MUC5AC: variants seen among roughly 807,000 people sequenced by gnomAD.
The protein encoded by MUC5AC is mucin-5AC.
MUC5AC carries 158 observed loss-of-function variants against 169.7 expected under a neutral mutation model. That is an observed-to-expected ratio of 0.93 (90% CI 0.82 to 1.06). The LOEUF (loss-of-function observed/expected upper bound fraction) is 1.06, where lower values mean the gene tolerates loss of function less well. Ranked by LOEUF, MUC5AC falls within the 50% of genes least tolerant of loss-of-function variation. The probability of loss-of-function intolerance (pLI) is 0.00; values close to 1 mark genes in which losing one functional copy is unlikely to be tolerated. For missense variants in MUC5AC, 4,359 were observed against 3,089.9 expected (o/e 1.41, Z -9.74); for synonymous variants, 1,975 against 1,237.0 (o/e 1.60, Z -12.52).
At chr11:1,173,025 C>G (rs988885981) in intron 16 of MUC5AC, among the ~76,000 whole-genome samples, 6,061 of 151,488 alleles carry the variant, frequency 0.04, 210 homozygotes, top group Admixed American at 0.12. Flanking sequence ...CGCCCCCCCA[C>G]TCACCCATTC....
At chr11:1,165,442 G>GCCCCCT in intron 10 of MUC5AC, 23 bp downstream of exon 10, 1 of 1,455,678 alleles carries the variant, frequency 6.9e-7, no homozygotes, top group Non-Finnish European at 9.0e-7. Context: ...CCCCCTCCAG[G>GCCCCCT]CCACCAAGGA....
At position 1,194,558 on chromosome 11, in the gene MUC5AC, C is replaced by G; in HGVS notation, c.15078C>G (p.Val5026=). 1.3e-6 allele frequency: 1 copy of G among 764,322 alleles called. No individual in the cohort carries two copies. The highest frequency in any genetic ancestry group is 2.4e-6 in the Non-Finnish European group (1 of 417,500). The allele number at this position is 764,322 out of a possible 1,614,324, so 47.3% of individuals were successfully genotyped here. A position where few individuals can be genotyped will look rare whatever the true frequency, so the allele number is the denominator to read the frequency against. The part of the protein sequence containing the change: ...KNGIVVSRIG[V]KMYATIPELG... ...GCATCGTGGTCTCGCGCATCGGCGTCAAGATGTACGCGACCATCCCGGAGC... is the reference window on the plus strand; with the variant it reads ...GCATCGTGGTCTCGCGCATCGGCGTGAAGATGTACGCGACCATCCCGGAGC... The change falls in exon 35 of 49, where the codon GTC becomes GTG. Residue 5026 remains valine, a synonymous_variant. Transcript: ENST00000621226.
At chr11:1,197,032 A>G (rs1485774889) in intron 40 of MUC5AC, 124 bp downstream of exon 40, 5 of 643,742 alleles carry the variant, frequency 7.8e-6, no homozygotes, top group African/African-American at 3.6e-5. Context: ...TCTCTGTGTC[A>G]GAGGCCCAGA....
intron 15 of MUC5AC, among the ~76,000 whole-genome samples, chr11:1,170,480 C>T (rs1860476051): frequency 5.1e-5 from 7 of 136,530 alleles, no homozygotes; most frequent in Non-Finnish European, 7.9e-5. Context: ...CATTCACCCA[C>T]TCACCCACTC....
At chr11:1,172,272 G>A (rs1022217142) in intron 15 of MUC5AC, among the ~76,000 whole-genome samples, 157 bp from the exon 16 acceptor site, 3 of 152,316 alleles carry the variant, frequency 2.0e-5, no homozygotes, top group Non-Finnish European at 2.9e-5. Flanking sequence ...CGGGGAGGGC[G>A]CCACACCACC....
intron 15 of MUC5AC, among the ~76,000 whole-genome samples, chr11:1,170,505 C>T (rs1214122717): frequency 5.3e-4 from 62 of 116,836 alleles, no homozygotes; most frequent in Middle Eastern, 9.1e-3. Context: ...ACCCACTCAC[C>T]GACTCAACCA....
chr11:1,164,458 C>G lies in MUC5AC; in HGVS notation c.1055C>G (p.Ala352Gly). 1.2e-6 allele frequency: 2 copies of G among 1,612,022 alleles called. No individual in the cohort carries two copies. Among genetic ancestry groups the G allele is most frequent in the Non-Finnish European group, 1.7e-6 (2 of 1,179,598 alleles). ...TACCACGAGTGCCGCTCCCCCTGCG[C>G]AGACACCTGCTCCAACCAGGAGCAC... ...MQYHECRSPC[A>G]DTCSNQEHSR... The change falls in exon 9 of 49, where the codon GCA becomes GGA. Residue 352 changes from alanine to glycine, a missense_variant. Transcript: ENST00000621226.
At position 1,179,245 on chromosome 11, in the gene MUC5AC, T is replaced by A; in HGVS notation, c.3481T>A (p.Cys1161Ser). ...TGTGTCCTGGCGGACCCCGAGCATC[T>A]GCCGTGAGTGCGAGTGGGCACCTGG... ...LCVSWRTPSI[C>S]PLFCDYYNPE... Residue 1161 changes from cysteine (C) to serine (S), a missense_variant, in exon 26 of 49, where the codon TGC becomes AGC. Coordinates refer to ENST00000621226, the MANE Select transcript of MUC5AC (RefSeq NM_001304359.2). 1 of 583,342 alleles carries A rather than the reference T, an allele frequency of 1.7e-6. No homozygotes were observed. Among genetic ancestry groups the A allele is most frequent in the Non-Finnish European group, 3.1e-6 (1 of 322,156 alleles). 36.1% of individuals were successfully genotyped at this position (583,342 alleles called of 1,614,324 possible).
In MUC5AC at chr11:1,200,409, A is replaced by C. The variant is rs758010735; in HGVS notation, c.16701-29A>C. ...CGGCAGGAGGCTGGGGTGGCGCAGC[A>C]GCTGGTGCTGAGCAGCCCCTGCCCA... On this transcript the variant is annotated intron_variant, in intron 48 of 48. Coordinates refer to ENST00000621226, the MANE Select transcript of MUC5AC (RefSeq NM_001304359.2). 7.6e-6 allele frequency: 5 copies of C among 659,980 alleles called. No individual in the cohort carries two copies. In the East Asian group the frequency reaches 1.4e-4, roughly 18 times the overall value. 40.9% of individuals were successfully genotyped at this position (659,980 alleles called of 1,614,324 possible).
Position 1,187,293 on chromosome 11 carries a change from A to G in MUC5AC, c.9148A>G (p.Thr3050Ala). 1 of 699,632 alleles carries G rather than the reference A, an allele frequency of 1.4e-6. No homozygotes were observed. The allele number at this position is 699,632 out of a possible 1,614,324, so 43.3% of individuals were successfully genotyped here. A position where few individuals can be genotyped will look rare whatever the true frequency, so the allele number is the denominator to read the frequency against. Residue 3050 changes from threonine to alanine, a missense_variant, in exon 31 of 49, where the codon ACC becomes GCC. By Grantham distance (58) the Thr-to-Ala change is moderately conservative (BLOSUM62 0). Coordinates refer to ENST00000621226, the MANE Select transcript of MUC5AC (RefSeq NM_001304359.2). ...AAGCAGCACAACCTCCTCTCCACAG[A>G]CCAGCACAACCTCGGCTTCTACCAC... ...PTSSTTSSPQ[T>A]STTSASTTSI...
intron 15 of MUC5AC, among the ~76,000 whole-genome samples, chr11:1,171,229 CCCA>C (rs1860513283): frequency 6.9e-6 from 1 of 145,238 alleles, no homozygotes; most frequent in African/African-American, 2.6e-5. Context: ...CACCCACTCA[CCCA>C]TTCACTCATT....
intron 46 of MUC5AC, 33 bp from the exon 47 acceptor site, chr11:1,199,662 C>A (rs931590196): frequency 5.7e-6 from 4 of 703,040 alleles, no homozygotes; most frequent in Admixed American, 2.0e-5. Context: ...CGCCGAGCGC[C>A]TCGGCACTGA....
chr11:1,178,232 C>T (rs963275280), intron 24 of MUC5AC, among the ~76,000 whole-genome samples: 3 of 152,202 alleles, frequency 2.0e-5, no homozygotes, highest in Admixed American at 1.3e-4. Flanking sequence ...CTCCGGCCCT[C>T]GGTGCTCAGC....
Position 1,194,122 on chromosome 11 carries a change from G to T in MUC5AC, c.14768G>T (p.Gly4923Val), listed in dbSNP as rs746463941. 1.2e-5 allele frequency: 9 copies of T among 764,820 alleles called. No individual in the cohort carries two copies. The highest frequency in any genetic ancestry group is 6.8e-5 in the Admixed American group (4 of 59,020). 47.4% of individuals were successfully genotyped at this position (764,820 alleles called of 1,614,324 possible). Residue 4923 changes from glycine to valine, a missense_variant, in exon 34 of 49, where the codon GGC becomes GTC. Coordinates refer to ENST00000621226, the MANE Select transcript of MUC5AC (RefSeq NM_001304359.2). ...HHYQCQCVCS[G>V]WGDPHYITFD... The stretch of plus-strand genomic sequence containing the variant: ...TGGGGCCTGGCAGGTGTGTGCAGCG[G>T]CTGGGGTGACCCCCACTACATCACC...
At chr11:1,193,784 G>A (rs1861185745) in intron 33 of MUC5AC, 125 bp downstream of exon 33, 1 of 645,076 alleles carries the variant, frequency 1.6e-6, no homozygotes, top group Non-Finnish European at 2.8e-6. Context: ...ACAGCAGGAA[G>A]GACTTCCCAG....
At chr11:1,182,023 A>G in intron 30 of MUC5AC, 132 bp from the exon 31 acceptor site, 1 of 398,052 alleles carries the variant, frequency 2.5e-6, no homozygotes, top group Non-Finnish European at 4.4e-6. Flanking sequence ...GGTTCTGAGC[A>G]GGGACCGCGG....
In MUC5AC at chr11:1,198,929, G is replaced by A; in HGVS notation, c.16229G>A (p.Gly5410Asp). 1.3e-6 allele frequency: 1 copy of A among 761,872 alleles called. No individual in the cohort carries two copies. Among genetic ancestry groups the A allele is most frequent in the Admixed American group, 1.7e-5 (1 of 58,596 alleles). The allele number at this position is 761,872 out of a possible 1,614,324, so 47.2% of individuals were successfully genotyped here. Reference protein sequence around the residue: ...LCETCRCELPGGPPSDAFVVS... With the variant: ...LCETCRCELPDGPPSDAFVVS... ...GAAACCTGCAGGTGTGAGCTGCCGG[G>A]TGGCCCCCCATCGGACGCGTTTGTG... Residue 5410 changes from glycine to aspartate, a missense_variant, in exon 44 of 49, where the codon GGT becomes GAT. Gly to Asp is a moderately conservative substitution (Grantham distance 94). Transcript: ENST00000621226.
At chr11:1,162,811 G>T (rs373232704) in intron 5 of MUC5AC, 144 bp from the exon 6 acceptor site, 5 of 991,124 alleles carry the variant, frequency 5.0e-6, no homozygotes, top group Non-Finnish European at 7.9e-6. Flanking sequence ...ATGGTGTCCC[G>T]GGGTCTGTGC....
Position 1,168,710 on chromosome 11 carries a change from A to C in MUC5AC, c.1636A>C (p.Asn546His). ...CCAGACCAGCCTGGGCCTGCAGCTG[A>C]ACCTGCAGCTGGTGCCCACCATGCA... The part of the protein sequence containing the change: ...IAQTSLGLQL[N>H]LQLVPTMQLF... Residue 546 changes from asparagine to histidine, a missense_variant, in exon 14 of 49, where the codon AAC (asparagine) becomes CAC (histidine). By Grantham distance (68) the Asn-to-His change is moderately conservative (BLOSUM62 1). Coordinates refer to ENST00000621226, the MANE Select transcript of MUC5AC (RefSeq NM_001304359.2). 6.2e-7 allele frequency: 1 copy of C among 1,610,630 alleles called. No individual in the cohort carries two copies. The highest frequency in any genetic ancestry group is 8.5e-7 in the Non-Finnish European group (1 of 1,178,134).
Sources: allele counts gnomAD v4.1 joint callset (sites outside exome capture counted in the v4.1 genomes callset), GRCh38; gene constraint gnomAD v4.1.1; transcripts MANE v1.5; gene names NCBI Gene and HGNC (gene_info 2026-07-23, HGNC 2026-07-21).